Variants in STAM observed in about 807,000 individuals in gnomAD.
STAM encodes signal transducing adapter molecule 1.
STAM carries 16 observed loss-of-function variants against 63.4 expected under a neutral mutation model. The observed-to-expected ratio is 0.25, with a 90% CI of 0.17 to 0.38. The LOEUF is 0.38. STAM is among the 10% of genes least tolerant of loss of function. The probability of loss-of-function intolerance (pLI) is 1.00; values close to 1 mark genes in which losing one functional copy is unlikely to be tolerated. For synonymous variants in STAM, 238 were observed against 223.9 expected, an observed-to-expected ratio of 1.06 and a Z score of -0.56; for missense variants, 636 against 657.1, an observed-to-expected ratio of 0.97 and a Z score of 0.35.
intron 1 of STAM, among the ~76,000 whole-genome samples, chr10:17,646,791 ATATAGAATACAGTG>A (rs1239855272): frequency 1.3e-5 from 2 of 152,224 alleles, no homozygotes; most frequent in Admixed American, 6.5e-5. Flanking sequence ...ATAGTATAAC[ATATAGAATACAGTG>A]TATAGAATAC....
At chr10:17,644,425 G>A (rs782473882) in intron 1 of STAM, 46 bp downstream of exon 1, 2 of 1,610,528 alleles carry the variant, frequency 1.2e-6, no homozygotes, top group East Asian at 2.2e-5. Context: ...CGGACTGCAC[G>A]CTCACTCTGC....
Position 17,695,152 on chromosome 10 carries a change from A to T in STAM, c.639A>T (p.Arg213=). 1 of 1,614,156 alleles carries T rather than the reference A, an allele frequency of 6.2e-7. No individual in the cohort carries two copies. ...SLLTNHQHEG[R]KVRAIYDFEA... is the part of the protein sequence containing the mutation. ...TAACTAACCACCAACATGAAGGCCG[A>T]AAAGTTCGTGCTATATATGACTTTG... The change falls in exon 7 of 14, where the codon CGA becomes CGT. Residue 213 remains arginine (R), a synonymous_variant. Coordinates refer to ENST00000377524, the MANE Select transcript of STAM (RefSeq NM_003473.4).
chr10:17,674,433 C>G (rs1414087227), intron 2 of STAM, among the ~76,000 whole-genome samples: 1 of 152,100 alleles, frequency 6.6e-6, no homozygotes, highest in Non-Finnish European at 1.5e-5. Flanking sequence ...GAAGGCTTCA[C>G]TGGGATGGAT....
chr10:17,670,265 G>A (rs547128334), intron 2 of STAM, among the ~76,000 whole-genome samples: 6 of 152,060 alleles, frequency 3.9e-5, no homozygotes, highest in South Asian at 2.1e-4. Flanking sequence ...TAAAAACATC[G>A]TATATTTTAT....
At chr10:17,656,953 C>T (rs184089356) in intron 1 of STAM, among the ~76,000 whole-genome samples, 254 of 152,296 alleles carry the variant, frequency 1.7e-3, no homozygotes, top group African/African-American at 5.9e-3. Flanking sequence ...TGTGATTCTT[C>T]CCTTAGAGTG....
chr10:17,705,862 GT>G, intron 12 of STAM, 121 bp downstream of exon 12: 1 of 780,314 alleles, frequency 1.3e-6, no homozygotes, highest in Non-Finnish European at 2.0e-6. Context: ...GAGACCAGGA[GT>G]TTAAGACCAG....
At position 17,688,946 on chromosome 10, in the gene STAM, A is replaced by G. The variant is rs1218045832; in HGVS notation, c.444+773A>G. 3.3e-5 allele frequency among the ~76,000 whole-genome samples: 5 copies of G among 152,158 alleles called. No homozygotes were observed. The East Asian group carries it at 9.6e-4, about 29-fold the overall frequency. On this transcript the variant is annotated intron_variant, in intron 5 of 13. Coordinates refer to ENST00000377524, the MANE Select transcript of STAM (RefSeq NM_003473.4). The stretch of plus-strand genomic sequence containing the variant: ...AAATTTATGAATTCCTCTATTAACA[A>G]TGAGAGGACTTTAGAAGGGGTAAAT...
chr10:17,682,335 A>C (rs570559660), intron 2 of STAM, among the ~76,000 whole-genome samples: 15 of 152,298 alleles, frequency 9.8e-5, no homozygotes, highest in African/African-American at 3.6e-4. Context: ...GAGGTATTAC[A>C]TTGTGTTAAT....
rs45573444 is a variant in STAM, at chr10:17,716,678, A to G, written c.*1898A>G. 0.019 allele frequency among the ~76,000 whole-genome samples: 2,897 copies of G among 152,328 alleles called. 29 individuals carry two copies. Among genetic ancestry groups the G allele is most frequent in the Middle Eastern group, 0.027 (8 of 294 alleles). ...TTGATATCTTTCATGCTGAAAATCA[A>G]TGACATAGTCTCTACTATGATTTTT... On this transcript the variant is annotated 3_prime_UTR_variant, in exon 14 of 14. Coordinates refer to ENST00000377524, the MANE Select transcript of STAM (RefSeq NM_003473.4).
At chr10:17,682,524 G>T (rs782812014) in intron 2 of STAM, among the ~76,000 whole-genome samples, 16 of 152,038 alleles carry the variant, frequency 1.1e-4, no homozygotes, top group Non-Finnish European at 2.2e-4. Context: ...TTAGATATTT[G>T]TTATTTGATT....
rs117619579 is a variant in STAM, at chr10:17,687,327, T to C, written c.298-700T>C. On this transcript the variant is annotated intron_variant, in intron 4 of 13. Transcript: ENST00000377524. ...CCGCGTCTGCTAAAAGTACAAAAAT[T>C]AGCTGGGCATGGTGGTGCGCGCCTG... Among the ~76,000 whole-genome samples the C allele has an allele frequency of 8.4e-3, 1,280 of 152,072 alleles. 12 individuals carry two copies. The highest frequency in any genetic ancestry group is 0.031 in the Middle Eastern group (9 of 294).
chr10:17,706,516 C>A (rs1217198211), intron 12 of STAM, among the ~76,000 whole-genome samples: 1 of 151,578 alleles, frequency 6.6e-6, no homozygotes, highest in Non-Finnish European at 1.5e-5. Flanking sequence ...GTAGCTGGGA[C>A]TACAGGCGCC....
chr10:17,700,184 C>G lies in STAM; in HGVS notation c.824-7C>G. On this transcript the variant is annotated splice_region_variant and splice_polypyrimidine_tract_variant and intron_variant, in intron 8 of 13. Coordinates refer to ENST00000377524, the MANE Select transcript of STAM (RefSeq NM_003473.4). ...TTAAAAAAAGATAACTTTTACATAT[C>G]TTACAGTTAAAACAGAGAAGAAGAC... 1.3e-6 allele frequency: 2 copies of G among 1,590,314 alleles called. No homozygotes were observed. The highest frequency in any genetic ancestry group is 1.7e-6 in the Non-Finnish European group (2 of 1,167,958).
chr10:17,658,732 C>G (rs1834042949), intron 1 of STAM, among the ~76,000 whole-genome samples: 1 of 152,094 alleles, frequency 6.6e-6, no homozygotes. Context: ...AATGATCTGC[C>G]CACTTCGGCC....
rs1311370346 is a variant in STAM at position 17,700,135 on chromosome 10, TA to T, written c.824-53del. 9 of 1,423,696 alleles carry T rather than the reference TA, an allele frequency of 6.3e-6. No homozygotes were observed. In the Admixed American group the frequency reaches 1.8e-4, roughly 29 times the overall value. 88.2% of individuals were successfully genotyped at this position (1,423,696 alleles called of 1,614,324 possible). On this transcript the variant is annotated intron_variant, in intron 8 of 13. Transcript: ENST00000377524. ...ATCTCTCTTGGAAGTTAAAGTGCTT[TA>T]AAGTAGAATTTTAAATGTATTATTA... is the stretch of plus-strand genomic sequence containing the variant.
chr10:17,655,772 C>T (rs1833913169), intron 1 of STAM, among the ~76,000 whole-genome samples: 1 of 152,120 alleles, frequency 6.6e-6, no homozygotes, highest in African/African-American at 2.4e-5. Context: ...GTCCCCCCAA[C>T]CCATCTGTGT....
chr10:17,667,981 T>G (rs1834465187), intron 2 of STAM, among the ~76,000 whole-genome samples: 1 of 152,308 alleles, frequency 6.6e-6, no homozygotes, highest in African/African-American at 2.4e-5. Context: ...GAAGGTAGGA[T>G]CCTTTAAATT....
At chr10:17,653,083 C>T (rs1833800476) in intron 1 of STAM, among the ~76,000 whole-genome samples, 1 of 152,104 alleles carries the variant, frequency 6.6e-6, no homozygotes, top group Admixed American at 6.5e-5. Context: ...GGGCTGGCCA[C>T]TCCAGAAGGA....
chr10:17,701,112 A>G (rs1554828383), intron 9 of STAM, among the ~76,000 whole-genome samples: 1 of 152,236 alleles, frequency 6.6e-6, no homozygotes. Context: ...GAGCCACATA[A>G]TGGTACCCAA....
Sources: allele counts gnomAD v4.1 joint callset (sites outside exome capture counted in the v4.1 genomes callset), GRCh38; gene constraint gnomAD v4.1.1; transcripts MANE v1.5; gene names NCBI Gene and HGNC (gene_info 2026-07-23, HGNC 2026-07-21).